Variants in ZDHHC18 observed in about 807,000 individuals in gnomAD.
ZDHHC18 encodes the protein palmitoyltransferase ZDHHC18.
In ZDHHC18, 23 loss-of-function variants were observed where a neutral mutation model predicts 37.5. The observed-to-expected ratio is 0.61, with a 90% confidence interval of 0.44 to 0.87. The LOEUF (loss-of-function observed/expected upper bound fraction) is 0.87. Ranked by LOEUF, ZDHHC18 falls within the 40% of genes least tolerant of loss-of-function variation. The pLI is 0.00. For synonymous variants in ZDHHC18, 185 were observed against 218.7 expected (o/e 0.85, Z 1.36); for missense variants, 406 against 525.6 (o/e 0.77, Z 2.22).
At chr1:26,843,308 A>G (rs889975932) in intron 2 of ZDHHC18, among the ~76,000 whole-genome samples, 1 of 150,998 alleles carries the variant, frequency 6.6e-6, no homozygotes, top group Non-Finnish European at 1.5e-5. Context: ...ACACCCGGCT[A>G]ACTTTTGTGT....
intron 7 of ZDHHC18, 48 bp from the exon 8 acceptor site, chr1:26,853,678 C>T (rs748050976): frequency 1.3e-6 from 2 of 1,560,178 alleles, no homozygotes; most frequent in Non-Finnish European, 1.8e-6. Context: ...TGGCCTAGAG[C>T]CTCAGTGTTG....
Position 26,832,603 on chromosome 1 carries a change from G to C in ZDHHC18, c.492G>C (p.Gln164His), listed in dbSNP as rs1436327949. The C allele has an allele frequency of 6.2e-7, 1 of 1,613,930 alleles. No individual in the cohort carries two copies. Among genetic ancestry groups the C allele is most frequent in the Non-Finnish European group, 8.5e-7 (1 of 1,179,908 alleles). ...GTGAAGCAGCCGCCCTGGAGAAACA[G>C]ATCGGTGAGGTTTCTACTCCCAGCT... ...TVCEAAALEK[Q>H]IDNTGSSTYR... The change falls in exon 2 of 8, where the codon CAG becomes CAC. Residue 164 changes from glutamine to histidine, a missense_variant. Gln to His is a conservative substitution (Grantham distance 24). Transcript: ENST00000374142.
chr1:26,840,397 A>C (rs182954200), intron 2 of ZDHHC18, among the ~76,000 whole-genome samples: 1 of 152,246 alleles, frequency 6.6e-6, no homozygotes, highest in East Asian at 1.9e-4. Context: ...GTGAATTCTC[A>C]CCTAATCCTT....
At chr1:26,846,009 CTG>C (rs1043819057) in intron 2 of ZDHHC18, among the ~76,000 whole-genome samples, 11 of 152,088 alleles carry the variant, frequency 7.2e-5, no homozygotes, top group African/African-American at 2.4e-4. Flanking sequence ...TATGTTGAAT[CTG>C]TGGATTAGGG....
chr1:26,827,160 G>T, intron 1 of ZDHHC18, 21 bp downstream of exon 1: 2 of 1,362,764 alleles, frequency 1.5e-6, no homozygotes, highest in East Asian at 3.0e-5. Flanking sequence ...CTGCCTCGGC[G>T]CCCCCTCCCA....
intron 2 of ZDHHC18, among the ~76,000 whole-genome samples, chr1:26,835,670 C>T (rs1157550133): frequency 1.2e-4 from 18 of 152,162 alleles, no homozygotes; most frequent in Admixed American, 1.2e-3. Flanking sequence ...CATTGCACTC[C>T]AGCCTGGTGA....
chr1:26,846,099 C>A (rs1241547809), intron 2 of ZDHHC18, among the ~76,000 whole-genome samples: 1 of 148,568 alleles, frequency 6.7e-6, no homozygotes, highest in Non-Finnish European at 1.5e-5. Flanking sequence ...TCTTAAATTT[C>A]TTTTGTGTGT....
chr1:26,834,721 A>G (rs1316523838), intron 2 of ZDHHC18, among the ~76,000 whole-genome samples: 1 of 152,258 alleles, frequency 6.6e-6, no homozygotes, highest in African/African-American at 2.4e-5. Flanking sequence ...ACTGAAGAAT[A>G]GGTGAGCTTC....
At chr1:26,831,317 G>A (rs141756249) in intron 1 of ZDHHC18, among the ~76,000 whole-genome samples, 1 of 152,332 alleles carries the variant, frequency 6.6e-6, no homozygotes, top group Non-Finnish European at 1.5e-5. Context: ...TGTGATGGGA[G>A]GAGCAGGAGC....
At chr1:26,840,675 C>T (rs2081634510) in intron 2 of ZDHHC18, among the ~76,000 whole-genome samples, 1 of 152,080 alleles carries the variant, frequency 6.6e-6, no homozygotes, top group Non-Finnish European at 1.5e-5. Context: ...CTCCTGACCT[C>T]AGGTGATCCG....
chr1:26,840,685 G>A (rs1214861301), intron 2 of ZDHHC18, among the ~76,000 whole-genome samples: 14 of 151,934 alleles, frequency 9.2e-5, no homozygotes, highest in Non-Finnish European at 7.4e-5. Flanking sequence ...CAGGTGATCC[G>A]CCTGCCTCGG....
rs1444792881 is a variant in ZDHHC18, at chr1:26,848,741, C to G, written c.630C>G (p.Val210=). 6.2e-7 allele frequency: 1 copy of G among 1,612,676 alleles called. No homozygotes were observed. Among genetic ancestry groups the G allele is most frequent in the South Asian group, 1.1e-5 (1 of 91,060 alleles). ...CACCCCGAACCTCACACTGCAGTGT[C>G]TGCGACAACTGTGTGGGTGAGTAGG... ...FRPPRTSHCS[V]CDNCVERFDH... The change falls in exon 3 of 8, where the codon GTC becomes GTG. Residue 210 remains valine (V), a synonymous_variant. Coordinates refer to ENST00000374142, the MANE Select transcript of ZDHHC18 (RefSeq NM_032283.3).
chr1:26,828,680 C>T (rs777063165), intron 1 of ZDHHC18, among the ~76,000 whole-genome samples: 5 of 151,932 alleles, frequency 3.3e-5, no homozygotes, highest in Non-Finnish European at 7.4e-5. Context: ...TCTCCCTTTA[C>T]CCTTTAACCA....
rs71007896 is a variant in ZDHHC18, at chr1:26,845,320, C to CTTTTTTTTT, written c.497-3264_497-3256dup. 2.6e-3 allele frequency among the ~76,000 whole-genome samples: 117 copies of CTTTTTTTTT among 45,252 alleles called. 15 individuals carry two copies. The highest frequency in any genetic ancestry group is 3.4e-3 in the Non-Finnish European group (89 of 26,368). 29.7% of individuals were successfully genotyped at this position (45,252 alleles called of 152,430 possible). On this transcript the variant is annotated intron_variant, in intron 2 of 7. Coordinates refer to ENST00000374142, the MANE Select transcript of ZDHHC18 (RefSeq NM_032283.3). The stretch of plus-strand genomic sequence containing the variant: ...CTGCTCTAAAGGTTACTTCTTCATT[C>CTTTTTTTTT]TTTTTTTTTTTTTTTTTTTTTTTTT...
intron 3 of ZDHHC18, among the ~76,000 whole-genome samples, chr1:26,849,107 T>C (rs1421018731): frequency 6.6e-6 from 1 of 152,234 alleles, no homozygotes; most frequent in Non-Finnish European, 1.5e-5. Flanking sequence ...CCAGATGTGT[T>C]TGGGCCAGAA....
At position 26,848,617 on chromosome 1, in the gene ZDHHC18, G is replaced by T. The variant is rs1050566791; in HGVS notation, c.506G>T (p.Gly169Val). ...AALEKQIDNT[G>V]SSTYRPPPRT... Reference sequence around the variant, plus strand: ...CTCCTCCTTCCCTCAGACAACACAGGCAGTTCTACATACCGGCCACCCCCT... The same window carrying T: ...CTCCTCCTTCCCTCAGACAACACAGTCAGTTCTACATACCGGCCACCCCCT... Residue 169 changes from glycine to valine, a missense_variant, in exon 3 of 8, where the codon GGC becomes GTC. Coordinates refer to ENST00000374142, the MANE Select transcript of ZDHHC18 (RefSeq NM_032283.3). The T allele has an allele frequency of 3.1e-6, 5 of 1,611,944 alleles. No homozygotes were observed. Among genetic ancestry groups the T allele is most frequent in the Non-Finnish European group, 1.7e-6 (2 of 1,178,122 alleles).
chr1:26,828,566 C>T (rs1216318879), intron 1 of ZDHHC18, among the ~76,000 whole-genome samples: 5 of 152,058 alleles, frequency 3.3e-5, no homozygotes, highest in Admixed American at 6.6e-5. Flanking sequence ...GTAAGGCTAT[C>T]ATAGAGACAC....
chr1:26,844,231 G>A (rs1412430185), intron 2 of ZDHHC18, among the ~76,000 whole-genome samples: 1 of 152,034 alleles, frequency 6.6e-6, no homozygotes, highest in Non-Finnish European at 1.5e-5. Flanking sequence ...TAGAGATGGG[G>A]TTTCACCATG....
At position 26,826,743 on chromosome 1, in the gene ZDHHC18, C is replaced by T. The variant is rs2081558303; in HGVS notation, c.-62C>T. On this transcript the variant is annotated 5_prime_UTR_variant, in exon 1 of 8. Coordinates refer to ENST00000374142, the MANE Select transcript of ZDHHC18 (RefSeq NM_032283.3). The surrounding 1 kb of genome is among the most constrained non-coding windows in gnomAD (Gnocchi z 5.2). ...CGCCGCTGCCACCTCCGCTGCTCGG[C>T]CCGGTCCCGGAGTGGCCCGGCCGGC... The T allele has an allele frequency of 8.2e-6, 7 of 851,676 alleles. No homozygotes were observed. Among genetic ancestry groups the T allele is most frequent in the South Asian group, 1.0e-4 (2 of 19,452 alleles). The allele number at this position is 851,676 out of a possible 1,614,324, so 52.8% of individuals were successfully genotyped here.
Sources: gnomAD v4.1 joint callset for allele counts (sites outside exome capture counted in the v4.1 genomes callset) on GRCh38, gnomAD v4.1.1 for gene constraint, Gnocchi (gnomAD v3.1) non-coding constraint, MANE v1.5 for transcripts, NCBI Gene and HGNC (gene_info 2026-07-23, HGNC 2026-07-21) for gene names.